GAS7: variants seen among roughly 807,000 people sequenced by gnomAD.
GAS7 encodes growth arrest-specific protein 7.
GAS7 carries 28 observed loss-of-function variants against 71.1 expected under a neutral mutation model. The ratio of observed to expected loss-of-function variants is 0.39; its 90% CI spans 0.29 to 0.54. GAS7 has a LOEUF of 0.54. Among genes scored for constraint, GAS7 ranks in the 20% least tolerant of loss-of-function variants. The pLI is 0.62. For synonymous variants in GAS7, 258 were observed against 245.8 expected (o/e 1.05, Z -0.46); for missense variants, 436 against 627.8 (o/e 0.69, Z 3.27).
chr17:9,930,070 G>A (rs1005456750), intron 9 of GAS7, among the ~76,000 whole-genome samples: 3 of 152,306 alleles, frequency 2.0e-5, no homozygotes, highest in African/African-American at 4.8e-5. Flanking sequence ...GACGGTGTGC[G>A]GCCGAGAGTT....
At chr17:10,120,314 T>C (rs953502000) in intron 1 of GAS7, among the ~76,000 whole-genome samples, 1 of 152,186 alleles carries the variant, frequency 6.6e-6, no homozygotes, top group Admixed American at 6.5e-5. Context: ...TTGGGAGGAT[T>C]TGAGAGCAGC....
intron 1 of GAS7, among the ~76,000 whole-genome samples, chr17:10,181,408 T>C (rs1007710783): frequency 3.3e-5 from 5 of 149,324 alleles, no homozygotes; most frequent in African/African-American, 1.2e-4. Context: ...AATAGAGCTG[T>C]CAAACAGAAA....
intron 1 of GAS7, among the ~76,000 whole-genome samples, chr17:10,116,132 C>G (rs544180408): frequency 6.6e-6 from 1 of 152,062 alleles, no homozygotes; most frequent in African/African-American, 2.4e-5. Flanking sequence ...CCAACATGGC[C>G]AAACCCCATC....
chr17:9,917,921 T>C, intron 13 of GAS7, 80 bp downstream of exon 13: 6 of 1,009,448 alleles, frequency 5.9e-6, no homozygotes, highest in Non-Finnish European at 9.0e-6. Flanking sequence ...CAGCAGCCAC[T>C]TAACCTGCCA....
At chr17:9,984,926 G>A (rs1446099328) in intron 2 of GAS7, among the ~76,000 whole-genome samples, 2 of 152,092 alleles carry the variant, frequency 1.3e-5, no homozygotes, top group African/African-American at 4.8e-5. Flanking sequence ...CTTCTCTCCT[G>A]CCCGTTGAAT....
intron 1 of GAS7, among the ~76,000 whole-genome samples, chr17:10,142,601 C>T (rs1446311448): frequency 1.3e-5 from 2 of 152,150 alleles, no homozygotes; most frequent in East Asian, 3.9e-4. Flanking sequence ...ATCAGCCCGC[C>T]TCGGCCTCCC....
chr17:10,007,906 C>G (rs562718412), intron 2 of GAS7, among the ~76,000 whole-genome samples: 17 of 152,218 alleles, frequency 1.1e-4, no homozygotes, highest in Non-Finnish European at 2.2e-4. Flanking sequence ...TCCAGCTCCC[C>G]CCCGCAACCA....
chr17:10,094,947 C>T (rs2073625354), intron 1 of GAS7, among the ~76,000 whole-genome samples: 1 of 152,194 alleles, frequency 6.6e-6, no homozygotes. Context: ...CCATTTCTGT[C>T]ATCCGCAATA....
chr17:10,179,913 G>A (rs745936225), intron 1 of GAS7, among the ~76,000 whole-genome samples: 2 of 152,186 alleles, frequency 1.3e-5, no homozygotes, highest in Non-Finnish European at 2.9e-5. Flanking sequence ...TGCAAAATAC[G>A]TAATATGGCA....
At chr17:10,017,354 G>T (rs1305431252) in intron 2 of GAS7, among the ~76,000 whole-genome samples, 1 of 151,070 alleles carries the variant, frequency 6.6e-6, no homozygotes, top group Admixed American at 6.6e-5. Context: ...GAGACAGACG[G>T]AGTCTTGCTC....
intron 8 of GAS7, among the ~76,000 whole-genome samples, 175 bp downstream of exon 8, chr17:9,939,929 ATGCCCACACCTTGAGTCATGGG>A (rs1262405957): frequency 6.6e-6 from 1 of 152,098 alleles, no homozygotes; most frequent in Non-Finnish European, 1.5e-5. Context: ...TTGAGTGTGG[ATGCCCACACCTTGAGTCATGGG>A]TGCCCACCCA....
rs541767567 is a variant in GAS7, at chr17:9,948,047, C to T, written c.526-1064G>A. Among the ~76,000 whole-genome samples the T allele has an allele frequency of 5.9e-5, 9 of 152,298 alleles. No homozygotes were observed. The East Asian group carries it at 1.5e-3, about 26-fold the overall frequency. On this transcript the variant is annotated intron_variant, in intron 5 of 13. Coordinates refer to ENST00000432992, the MANE Select transcript of GAS7 (RefSeq NM_201433.2). ...ATTTTATTTTCTCTAGCTTACTTTA[C>T]TGTAAGAATACAGTGTATAATACAC...
chr17:9,991,896 A>G (rs1359015581), intron 2 of GAS7, among the ~76,000 whole-genome samples: 1 of 151,980 alleles, frequency 6.6e-6, no homozygotes, highest in Non-Finnish European at 1.5e-5. Flanking sequence ...ATCGAATCCA[A>G]AGCCTGGATG....
At chr17:9,991,267 G>T (rs1032760373) in intron 2 of GAS7, among the ~76,000 whole-genome samples, 2 of 152,174 alleles carry the variant, frequency 1.3e-5, no homozygotes, top group African/African-American at 4.8e-5. Context: ...AGGGGGGCTA[G>T]AATGCCTTCT....
intron 6 of GAS7, among the ~76,000 whole-genome samples, chr17:9,946,681 C>A (rs766037635): frequency 2.0e-5 from 3 of 152,198 alleles, no homozygotes; most frequent in African/African-American, 4.8e-5. Context: ...GTAATGTGAA[C>A]AAAAGTCCTG....
At chr17:10,015,438 C>T (rs891529549) in intron 2 of GAS7, among the ~76,000 whole-genome samples, 2 of 152,066 alleles carry the variant, frequency 1.3e-5, no homozygotes, top group East Asian at 1.9e-4. Context: ...ACCTGGAGAG[C>T]GACAGAGCAA....
At chr17:10,136,946 AC>A (rs1385047310) in intron 1 of GAS7, among the ~76,000 whole-genome samples, 1 of 151,886 alleles carries the variant, frequency 6.6e-6, no homozygotes, top group African/African-American at 2.4e-5. Flanking sequence ...AGATGGCGAA[AC>A]CCCGTCTCTA....
chr17:10,082,449 AC>A (rs1362992450), intron 1 of GAS7, among the ~76,000 whole-genome samples: 1 of 152,248 alleles, frequency 6.6e-6, no homozygotes, highest in East Asian at 1.9e-4. Context: ...AGATAAAAGC[AC>A]CATGGGAAAC....
chr17:10,046,645 A>T (rs555260745), intron 1 of GAS7, among the ~76,000 whole-genome samples: 5 of 150,858 alleles, frequency 3.3e-5, no homozygotes, highest in African/African-American at 4.9e-5. Flanking sequence ...CTGAGGCAGG[A>T]GAATTGCTTG....
Sources: allele counts gnomAD v4.1 joint callset (sites outside exome capture counted in the v4.1 genomes callset), GRCh38; gene constraint gnomAD v4.1.1; transcripts MANE v1.5; gene names NCBI Gene and HGNC (gene_info 2026-07-23, HGNC 2026-07-21).